Variants in CNTNAP2 observed in about 807,000 individuals in gnomAD.
CNTNAP2 encodes contactin associated protein 2.
In CNTNAP2, 98 loss-of-function variants were observed where a neutral mutation model predicts 155.2. The observed-to-expected ratio is 0.63, with a 90% CI of 0.54 to 0.75. The LOEUF is 0.75. CNTNAP2 is among the 30% of genes least tolerant of loss of function. The pLI is 0.00. For missense variants in CNTNAP2, 1,727 were observed against 1,688.1 expected, an observed-to-expected ratio of 1.02 and a Z score of -0.40; for synonymous variants, 651 against 631.2, an observed-to-expected ratio of 1.03 and a Z score of -0.47.
intron 21 of CNTNAP2, among the ~76,000 whole-genome samples, chr7:148,360,466 G>A (rs182841197): frequency 2.6e-5 from 4 of 152,278 alleles, no homozygotes; most frequent in East Asian, 3.9e-4. Context: ...AAATGGAGAC[G>A]GAATTGGAAA....
intron 3 of CNTNAP2, among the ~76,000 whole-genome samples, chr7:146,862,115 G>A (rs912944012): frequency 1.3e-5 from 2 of 152,160 alleles, no homozygotes; most frequent in African/African-American, 4.8e-5. Flanking sequence ...CGATGGCAAT[G>A]TTAAGACTTT....
At chr7:146,263,284 A>AGGAAGGAAGGAAGGAAGGAC (rs1799947783) in intron 1 of CNTNAP2, among the ~76,000 whole-genome samples, 2 of 147,462 alleles carry the variant, frequency 1.4e-5, no homozygotes, top group African/African-American at 5.4e-5. Context: ...GGAGGAAGGA[A>AGGAAGGAAGGAAGGAAGGAC]GGAAGGAAGG....
chr7:147,512,469 C>T (rs897689574), intron 11 of CNTNAP2, among the ~76,000 whole-genome samples: 1 of 152,186 alleles, frequency 6.6e-6, no homozygotes, highest in Non-Finnish European at 1.5e-5. Context: ...CACAGATACT[C>T]AGACCTATTC....
chr7:146,222,416 T>C (rs527896571), intron 1 of CNTNAP2, among the ~76,000 whole-genome samples: 1 of 151,902 alleles, frequency 6.6e-6, no homozygotes, highest in South Asian at 2.1e-4. Context: ...TAAGAGAAAA[T>C]CAATGGTCAG....
intron 1 of CNTNAP2, among the ~76,000 whole-genome samples, chr7:146,387,225 T>A (rs1795474309): frequency 6.6e-6 from 1 of 152,202 alleles, no homozygotes; most frequent in South Asian, 2.1e-4. Flanking sequence ...GGGCTTTAAC[T>A]TTTCTGGATT....
At chr7:147,528,604 C>T (rs745945623) in intron 11 of CNTNAP2, among the ~76,000 whole-genome samples, 18 of 152,122 alleles carry the variant, frequency 1.2e-4, no homozygotes, top group Non-Finnish European at 2.5e-4. Flanking sequence ...TTTTCTTGTA[C>T]ATCTTACATG....
intron 15 of CNTNAP2, among the ~76,000 whole-genome samples, chr7:148,033,340 C>CT (rs1340067714): frequency 2.1e-5 from 3 of 140,580 alleles, no homozygotes; most frequent in Non-Finnish European, 3.0e-5. Flanking sequence ...CCTTAAGATC[C>CT]TTTTTTTTCC....
At chr7:147,946,796 TC>T (rs974409389) in intron 14 of CNTNAP2, among the ~76,000 whole-genome samples, 1 of 151,634 alleles carries the variant, frequency 6.6e-6, no homozygotes, top group Non-Finnish European at 1.5e-5. Flanking sequence ...AATGGGAAGC[TC>T]CCCCTTCACC....
intron 1 of CNTNAP2, among the ~76,000 whole-genome samples, chr7:146,596,595 C>CAGACAGAGAGAGAG (rs71165017): frequency 2.9e-4 from 30 of 105,074 alleles, no homozygotes; most frequent in South Asian, 7.8e-4. Context: ...AGAAGGGAGA[C>CAGACAGAGAGAGAG]AGAGAGAGAG....
At chr7:147,958,466 C>T (rs1801059966) in intron 14 of CNTNAP2, among the ~76,000 whole-genome samples, 1 of 152,246 alleles carries the variant, frequency 6.6e-6, no homozygotes, top group East Asian at 1.9e-4. Flanking sequence ...GGACATCAAG[C>T]TCATCAAGGT....
chr7:148,124,689 A>G (rs1332520205), intron 16 of CNTNAP2, among the ~76,000 whole-genome samples: 1 of 152,228 alleles, frequency 6.6e-6, no homozygotes, highest in Non-Finnish European at 1.5e-5. Context: ...TAACTTTTGT[A>G]GTTTACACAG....
At chr7:146,697,935 C>T (rs1338786936) in intron 1 of CNTNAP2, among the ~76,000 whole-genome samples, 1 of 152,086 alleles carries the variant, frequency 6.6e-6, no homozygotes. Flanking sequence ...TCTACTTTCT[C>T]TTATCTCTTT....
At chr7:147,804,875 C>A (rs1399222770) in intron 13 of CNTNAP2, among the ~76,000 whole-genome samples, 1 of 151,946 alleles carries the variant, frequency 6.6e-6, no homozygotes, top group East Asian at 1.9e-4. Flanking sequence ...TTTAACCTCA[C>A]CACCTCCCAC....
At chr7:146,802,733 C>A (rs1169129181) in intron 2 of CNTNAP2, among the ~76,000 whole-genome samples, 1 of 152,162 alleles carries the variant, frequency 6.6e-6, no homozygotes. Flanking sequence ...AATTAAACCT[C>A]TTTTCTTCAT....
chr7:147,141,973 G>A (rs1357208402), intron 8 of CNTNAP2, among the ~76,000 whole-genome samples: 2 of 152,132 alleles, frequency 1.3e-5, no homozygotes, highest in Non-Finnish European at 2.9e-5. Flanking sequence ...GAGATTTTGG[G>A]CTGAGATGAT....
At chr7:146,466,493 A>G (rs1796719510) in intron 1 of CNTNAP2, among the ~76,000 whole-genome samples, 1 of 152,124 alleles carries the variant, frequency 6.6e-6, no homozygotes, top group African/African-American at 2.4e-5. Context: ...ACCTAATACA[A>G]ACTGATAGAA....
intron 5 of CNTNAP2, among the ~76,000 whole-genome samples, chr7:147,109,496 A>T (rs1376401367): frequency 6.6e-6 from 1 of 152,288 alleles, no homozygotes; most frequent in African/African-American, 2.4e-5. Flanking sequence ...ATGGAAGTTG[A>T]TATATGAGAC....
At chr7:147,600,125 C>G (rs1184783073) in intron 12 of CNTNAP2, among the ~76,000 whole-genome samples, 3 of 152,172 alleles carry the variant, frequency 2.0e-5, no homozygotes, top group Non-Finnish European at 4.4e-5. Context: ...GGAACAGACC[C>G]TGGTCATGGG....
chr7:146,144,375 C>A (rs970839354), intron 1 of CNTNAP2, among the ~76,000 whole-genome samples: 5 of 152,136 alleles, frequency 3.3e-5, no homozygotes, highest in African/African-American at 4.8e-5. Flanking sequence ...TGCTCTTGAA[C>A]TCCTGAGCTC....
Sources: allele counts gnomAD v4.1 joint callset (sites outside exome capture counted in the v4.1 genomes callset), GRCh38; gene constraint gnomAD v4.1.1; transcripts MANE v1.5; gene names NCBI Gene and HGNC (gene_info 2026-07-23, HGNC 2026-07-21).